The following DLG5 variants were observed in gnomAD, a reference collection of about 807,000 sequenced individuals.
The protein encoded by DLG5 is disks large homolog 5.
A neutral mutation model predicts 189.8 loss-of-function variants in DLG5; 48 were observed. The observed-to-expected ratio is 0.25, with a 90% CI of 0.20 to 0.32. The LOEUF (loss-of-function observed/expected upper bound fraction) is 0.32. Among genes scored for constraint, DLG5 ranks in the 10% least tolerant of loss-of-function variants. The probability of loss-of-function intolerance (pLI) is 1.00; values close to 1 mark genes in which losing one functional copy is unlikely to be tolerated. For synonymous variants in DLG5, 1,016 were observed against 1,054.1 expected, an observed-to-expected ratio of 0.96 and a Z score of 0.70; for missense variants, 2,160 against 2,544.7, an observed-to-expected ratio of 0.85 and a Z score of 3.25.
chr10:77,805,677 G>A lies in DLG5; in HGVS notation c.5152C>T (p.Pro1718Ser), dbSNP rs968735442. Residue 1718 changes from proline to serine, a missense_variant, in exon 27 of 32, where the codon CCA becomes TCA. By Grantham distance (74) the Pro-to-Ser change is moderately conservative. Coordinates refer to ENST00000372391, the MANE Select transcript of DLG5 (RefSeq NM_004747.4). The stretch of plus-strand genomic sequence containing the variant: ...CTCAGCCACTTGCCTTCAAAGAGTG[G>A]AATGGAGTCACTGGAAAAGGCATCC... Reference protein sequence around the residue: ...ALDAFSSDSIPLFEDSVSLAY... With the variant: ...ALDAFSSDSISLFEDSVSLAY... 6.2e-7 allele frequency: 1 copy of A among 1,612,038 alleles called. No individual in the cohort carries two copies. Among genetic ancestry groups the A allele is most frequent in the Non-Finnish European group, 8.5e-7 (1 of 1,178,420 alleles).
In DLG5 at chr10:77,926,371, G is replaced by C; in HGVS notation, c.150C>G (p.Gly50=). 2.5e-6 allele frequency: 4 copies of C among 1,597,548 alleles called. No homozygotes were observed. The highest frequency in any genetic ancestry group is 3.4e-6 in the Non-Finnish European group (4 of 1,174,106). Residue 50 remains glycine (G), a synonymous_variant, in exon 1 of 32, where the codon GGC becomes GGG. Transcript: ENST00000372391. The surrounding 1 kb of genome is among the most constrained non-coding windows in gnomAD (Gnocchi z 5.2). ...ERRQLDEEAG[G]AKAELLLKLL... ...GCTTGAGCAGCAGCTCCGCCTTGGC[G>C]CCTCCCGCCTCCTCGTCCAGCTGCC...
intron 1 of DLG5, among the ~76,000 whole-genome samples, chr10:77,891,428 AGACTGCAGCAGT>A (rs1430142668): frequency 6.6e-6 from 1 of 152,110 alleles, no homozygotes; most frequent in Non-Finnish European, 1.5e-5. Flanking sequence ...TGCATCTCAC[AGACTGCAGCAGT>A]GACTGGGACA....
intron 1 of DLG5, among the ~76,000 whole-genome samples, chr10:77,907,326 C>G (rs187927346): frequency 1.3e-5 from 2 of 152,276 alleles, no homozygotes; most frequent in East Asian, 1.9e-4. Flanking sequence ...TGCCTGTTAT[C>G]TCAGCACTTT....
chr10:77,827,287 G>A (rs7100220), intron 13 of DLG5, among the ~76,000 whole-genome samples: 38,701 of 151,926 alleles, frequency 0.25, 5,484 homozygotes, highest in Admixed American at 0.39. Flanking sequence ...GTGCAGTGGC[G>A]CGATCTCGGC....
At chr10:77,794,708 T>C in intron 30 of DLG5, 141 bp downstream of exon 30, 1 of 648,622 alleles carries the variant, frequency 1.5e-6, no homozygotes. Flanking sequence ...GGTCATTTTC[T>C]ACACGTACTG....
At chr10:77,865,908 G>A (rs1012192583) in intron 2 of DLG5, among the ~76,000 whole-genome samples, 6 of 152,106 alleles carry the variant, frequency 3.9e-5, no homozygotes, top group South Asian at 2.1e-4. Flanking sequence ...CTGTCTACAC[G>A]CCCCAGGCTT....
intron 27 of DLG5, among the ~76,000 whole-genome samples, chr10:77,800,746 G>GA (rs1480772525): frequency 6.6e-6 from 1 of 152,228 alleles, no homozygotes; most frequent in East Asian, 1.9e-4. Context: ...CTTAAGCTGT[G>GA]AAAAGCAAGA....
At chr10:77,872,946 T>C (rs1042122321) in intron 1 of DLG5, among the ~76,000 whole-genome samples, 1 of 151,462 alleles carries the variant, frequency 6.6e-6, no homozygotes, top group Non-Finnish European at 1.5e-5. Flanking sequence ...GGAGAAACAG[T>C]GTGGAGGGAC....
chr10:77,904,730 T>C (rs752318860), intron 1 of DLG5, among the ~76,000 whole-genome samples: 15 of 151,816 alleles, frequency 9.9e-5, no homozygotes, highest in Non-Finnish European at 1.9e-4. Flanking sequence ...CCCAGCCATG[T>C]GGAACTGTAA....
At chr10:77,855,228 G>C (rs944068170) in intron 3 of DLG5, among the ~76,000 whole-genome samples, 1 of 152,188 alleles carries the variant, frequency 6.6e-6, no homozygotes, top group African/African-American at 2.4e-5. Context: ...AGTGATCTCA[G>C]AGTGGGGTTC....
chr10:77,936,283 C>T, the DLG5 span, among the ~76,000 whole-genome samples: 3 of 151,992 alleles, frequency 2.0e-5, no homozygotes, highest in East Asian at 1.9e-4. Flanking sequence ...ACTAAAAATA[C>T]GAAAGTTAGC....
At chr10:77,861,416 C>T (rs1364185579) in intron 2 of DLG5, among the ~76,000 whole-genome samples, 1 of 152,164 alleles carries the variant, frequency 6.6e-6, no homozygotes, top group Non-Finnish European at 1.5e-5. Context: ...ATTGTATAAA[C>T]GAGGCAACAT....
At position 77,805,734 on chromosome 10, in the gene DLG5, C is replaced by T. The variant is rs763678413; in HGVS notation, c.5095G>A (p.Gly1699Arg). The T allele has an allele frequency of 6.2e-6, 10 of 1,613,990 alleles. No homozygotes were observed. Among genetic ancestry groups the T allele is most frequent in the South Asian group, 2.2e-5 (2 of 91,070 alleles). The stretch of plus-strand genomic sequence containing the variant: ...AGCAGGTCTTTCCCGTCCTTGGACC[C>T]GCTGCGTTTGTGCTTGTGTTTCCTC... ...FRRKHKHKRS[G>R]SKDGKDLLAL... The change falls in exon 27 of 32, where the codon GGG (glycine) becomes AGG (arginine). Residue 1699 changes from glycine to arginine, a missense_variant. Physicochemically the swap from Gly to Arg is moderately radical, Grantham distance 125 (BLOSUM62 -2). Coordinates refer to ENST00000372391, the MANE Select transcript of DLG5 (RefSeq NM_004747.4).
intron 1 of DLG5, among the ~76,000 whole-genome samples, chr10:77,881,131 C>T (rs1845269158): frequency 6.6e-6 from 1 of 151,920 alleles, no homozygotes; most frequent in African/African-American, 2.4e-5. Context: ...TGCCTCTGTG[C>T]CTGGCTAATT....
At chr10:77,920,170 G>T (rs1169959817) in intron 1 of DLG5, among the ~76,000 whole-genome samples, 4 of 152,204 alleles carry the variant, frequency 2.6e-5, no homozygotes, top group Non-Finnish European at 5.9e-5. Context: ...GCTAGTTGCT[G>T]TCTACTACTG....
intron 1 of DLG5, among the ~76,000 whole-genome samples, chr10:77,873,885 C>G (rs74140383): frequency 0.01 from 1,542 of 152,330 alleles, 29 homozygotes; most frequent in African/African-American, 0.035. Flanking sequence ...AGCTGCTACT[C>G]TCTGGAGCTC....
intron 27 of DLG5, among the ~76,000 whole-genome samples, chr10:77,797,802 C>G (rs1429929195): frequency 6.6e-6 from 1 of 152,204 alleles, no homozygotes; most frequent in Non-Finnish European, 1.5e-5. Context: ...GCTGCAGCAG[C>G]AGGCTCCATG....
the DLG5 span, among the ~76,000 whole-genome samples, chr10:77,938,957 C>T: frequency 2.6e-5 from 4 of 152,140 alleles, no homozygotes; most frequent in African/African-American, 2.4e-5. Flanking sequence ...GGAAGGTGGG[C>T]GGATCTCCTG....
intron 16 of DLG5, 164 bp from the exon 17 acceptor site, chr10:77,819,629 C>T: frequency 1.0e-5 from 11 of 1,098,416 alleles, no homozygotes; most frequent in Non-Finnish European, 1.4e-5. Context: ...TGGCTCCTGG[C>T]CTGTCTCCAT....
Sources: allele counts gnomAD v4.1 joint callset (sites outside exome capture counted in the v4.1 genomes callset), GRCh38; gene constraint gnomAD v4.1.1; non-coding constraint Gnocchi (gnomAD v3.1); transcripts MANE v1.5; gene names NCBI Gene and HGNC (gene_info 2026-07-23, HGNC 2026-07-21).